Variants in MS4A2 observed in about 807,000 individuals in gnomAD.
MS4A2 encodes the protein high affinity immunoglobulin epsilon receptor subunit beta.
Under a neutral mutation model 27.9 loss-of-function variants are expected in MS4A2, and 26 were observed. The observed-to-expected ratio is 0.93, with a 90% CI of 0.68 to 1.29. MS4A2 has a LOEUF of 1.29. Ranked by LOEUF, MS4A2 falls within the 50% of genes most tolerant of loss-of-function variation. The pLI is 0.00. For missense variants in MS4A2, 284 were observed against 284.6 expected (o/e 1.00, Z 0.01); for synonymous variants, 110 against 98.8 (o/e 1.11, Z -0.67).
rs1483793334 is a variant in MS4A2 at position 60,097,384 on chromosome 11, A to G, written c.*1728A>G. The G allele has an allele frequency of 2.6e-5, 4 of 152,270 alleles. No homozygotes were observed. The highest frequency in any genetic ancestry group is 2.1e-4 in the South Asian group (1 of 4,834). The allele number at this position is 152,270 out of a possible 1,614,324, so 9.4% of individuals were successfully genotyped here. On this transcript the variant is annotated 3_prime_UTR_variant, in exon 7 of 7. Transcript: ENST00000278888. ...AAGCAACTCCACCTAAGGCATGAAT[A>G]TGCGGCAGAGAAAACAGCAATAGTG...
chr11:60,095,674 C>T lies in MS4A2; in HGVS notation c.*18C>T. ...ATTTATAAGAATCACGTGTCCAGAA[C>T]ACTCTGATTCACAGCCAAGGATCCA... On this transcript the variant is annotated 3_prime_UTR_variant, in exon 7 of 7. Coordinates refer to ENST00000278888, the MANE Select transcript of MS4A2 (RefSeq NM_000139.5). 1 of 1,519,136 alleles carries T rather than the reference C, an allele frequency of 6.6e-7. No homozygotes were observed. Among genetic ancestry groups the T allele is most frequent in the Non-Finnish European group, 9.1e-7 (1 of 1,093,828 alleles). 94.1% of individuals were successfully genotyped at this position (1,519,136 alleles called of 1,614,324 possible).
chr11:60,093,469 A>G lies in MS4A2; in HGVS notation c.448A>G (p.Ile150Val). 6.2e-7 allele frequency: 1 copy of G among 1,614,230 alleles called. No homozygotes were observed. Among genetic ancestry groups the G allele is most frequent in the Non-Finnish European group, 8.5e-7 (1 of 1,180,030 alleles). ...GGGAACGGGAATTACCATCCTGATC[A>G]TCAACCTGAAGAAGAGCTTGGCCTA... ...AGGTGITILIINLKKSLAYIH... is the reference protein window; with the variant it reads ...AGGTGITILIVNLKKSLAYIH... The change falls in exon 5 of 7, where the codon ATC becomes GTC. Residue 150 changes from isoleucine to valine, a missense_variant. By Grantham distance (29) the Ile-to-Val change is conservative (BLOSUM62 3). Transcript: ENST00000278888.
At chr11:60,088,901 A>G in intron 1 of MS4A2, 80 bp downstream of exon 1, 1 of 1,377,326 alleles carries the variant, frequency 7.3e-7, no homozygotes, top group African/African-American at 1.4e-5. Flanking sequence ...TTAGGAGATG[A>G]AACTTTATTG....
In MS4A2 at chr11:60,092,822, TCTGAA is replaced by T. The variant is rs1223166654; in HGVS notation, c.353_357del (p.Ser118Ter). ...TATTTCTGGAATGTTGTCAATTATA[TCTGAA>T]AGGAGAAATGCAACATATCTGGTGA... On this transcript the variant is annotated frameshift_variant, in exon 4 of 7. Coordinates refer to ENST00000278888, the MANE Select transcript of MS4A2 (RefSeq NM_000139.5). LOFTEE classifies it high-confidence loss of function. 6.2e-7 allele frequency: 1 copy of T among 1,613,910 alleles called. No individual in the cohort carries two copies. Among genetic ancestry groups the T allele is most frequent in the Non-Finnish European group, 8.5e-7 (1 of 1,179,948 alleles).
chr11:60,089,545 G>C (rs568412937), intron 1 of MS4A2, 147 bp from the exon 2 acceptor site: 2 of 1,081,040 alleles, frequency 1.9e-6, no homozygotes, highest in Admixed American at 1.8e-5. Context: ...GATGCTCTGA[G>C]CTTTAGTTTC....
intron 1 of MS4A2, 101 bp from the exon 2 acceptor site, chr11:60,089,591 G>A (rs535457124): frequency 6.7e-7 from 1 of 1,485,988 alleles, no homozygotes; most frequent in African/African-American, 1.4e-5. Flanking sequence ...TTACAGGATG[G>A]CTTTGAAAAA....
At chr11:60,092,665 C>T (rs1251856757) in intron 3 of MS4A2, 127 bp from the exon 4 acceptor site, 2 of 771,632 alleles carry the variant, frequency 2.6e-6, no homozygotes, top group East Asian at 5.3e-5. Flanking sequence ...ATTGGGCTCA[C>T]AGGTGACATT....
rs757034076 is a variant in MS4A2, at chr11:60,090,298, T to G, written c.187-38T>G. On this transcript the variant is annotated intron_variant, in intron 2 of 6. Coordinates refer to ENST00000278888, the MANE Select transcript of MS4A2 (RefSeq NM_000139.5). The stretch of plus-strand genomic sequence containing the variant: ...AAAAATGATACAATCTCGGGAAAAT[T>G]TTTTTGATTTTCATGAAATTCATGT... 3.1e-6 allele frequency: 5 copies of G among 1,605,938 alleles called. No individual in the cohort carries two copies. The South Asian group carries it at 3.3e-5, about 11-fold the overall frequency.
chr11:60,088,785 G>T lies in MS4A2; in HGVS notation c.20G>T (p.Arg7Met). Residue 7 changes from arginine (R) to methionine (M), a missense_variant, in exon 1 of 7, where the codon AGG (arginine) becomes ATG (methionine). Coordinates refer to ENST00000278888, the MANE Select transcript of MS4A2 (RefSeq NM_000139.5). Reference sequence around the variant, plus strand: ...GAAAAAATGGACACAGAAAGTAATAGGAGAGCAAATCTTGCTCTCCCACAG... The same window carrying T: ...GAAAAAATGGACACAGAAAGTAATATGAGAGCAAATCTTGCTCTCCCACAG... MDTESN[R>M]RANLALPQEP... 1 of 1,612,082 alleles carries T rather than the reference G, an allele frequency of 6.2e-7. No individual in the cohort carries two copies.
Position 60,088,814 on chromosome 11 carries a change from C to G in MS4A2, c.49C>G (p.Pro17Ala). The G allele has an allele frequency of 6.2e-7, 1 of 1,610,862 alleles. No individual in the cohort carries two copies. Among genetic ancestry groups the G allele is most frequent in the Non-Finnish European group, 8.5e-7 (1 of 1,178,128 alleles). Residue 17 changes from proline to alanine, a missense_variant, in exon 1 of 7, where the codon CCT (proline) becomes GCT (alanine). Physicochemically the swap from Pro to Ala is conservative, Grantham distance 27. Coordinates refer to ENST00000278888, the MANE Select transcript of MS4A2 (RefSeq NM_000139.5). ...AGCAAATCTTGCTCTCCCACAGGAGCCTTCCAGGTAGGTACAAGGTATTAT... is the reference window on the plus strand; with the variant it reads ...AGCAAATCTTGCTCTCCCACAGGAGGCTTCCAGGTAGGTACAAGGTATTAT... ...RRANLALPQE[P>A]SSVPAFEVLE...
Position 60,098,354 on chromosome 11 carries a change from A to T in MS4A2, c.*2698A>T, listed in dbSNP as rs1403082202. On this transcript the variant is annotated 3_prime_UTR_variant, in exon 7 of 7. Coordinates refer to ENST00000278888, the MANE Select transcript of MS4A2 (RefSeq NM_000139.5). ...TCCAGCCTTAATTTCTTGCTCCATA[A>T]CTACTCTATCCCACGATGCAGTATT... 6.6e-6 allele frequency: 1 copy of T among 152,134 alleles called. No individual in the cohort carries two copies. The highest frequency in any genetic ancestry group is 6.5e-5 in the Admixed American group (1 of 15,276). The allele number at this position is 152,134 out of a possible 1,614,324, so 9.4% of individuals were successfully genotyped here.
chr11:60,096,456 T>C lies in MS4A2; in HGVS notation c.*800T>C, dbSNP rs755946053. The C allele has an allele frequency of 6.6e-6, 1 of 152,170 alleles. No homozygotes were observed. The highest frequency in any genetic ancestry group is 1.5e-5 in the Non-Finnish European group (1 of 68,028). The allele number at this position is 152,170 out of a possible 1,614,324, so 9.4% of individuals were successfully genotyped here. On this transcript the variant is annotated 3_prime_UTR_variant, in exon 7 of 7. Transcript: ENST00000278888. ...TGGAAATGGAAATAATGGTTATATC[T>C]AAAACATGTAGAAAAAGAGTAACTG...
rs751308436 is a variant in MS4A2 at position 60,092,859 on chromosome 11, C to T, written c.378+11C>T. ...AATGCAACATATCTGGTGAGTTGCCCGTTTCTGTCTTTGTCCATCCTTGAA... is the reference window on the plus strand; with the variant it reads ...AATGCAACATATCTGGTGAGTTGCCTGTTTCTGTCTTTGTCCATCCTTGAA... On this transcript the variant is annotated intron_variant, in intron 4 of 6. Transcript: ENST00000278888. 37 of 1,611,240 alleles carry T rather than the reference C, an allele frequency of 2.3e-5. No homozygotes were observed. Among genetic ancestry groups the T allele is most frequent in the African/African-American group, 1.6e-4 (12 of 74,788 alleles).
Position 60,097,121 on chromosome 11 carries a change from T to A in MS4A2, c.*1465T>A, listed in dbSNP as rs991743346. The A allele has an allele frequency of 6.6e-6, 1 of 152,094 alleles. No individual in the cohort carries two copies. The highest frequency in any genetic ancestry group is 1.5e-5 in the Non-Finnish European group (1 of 68,018). The allele number at this position is 152,094 out of a possible 1,614,324, so 9.4% of individuals were successfully genotyped here. A position where few individuals can be genotyped will look rare whatever the true frequency, so the allele number is the denominator to read the frequency against. ...ATTATTAAATGAAGCAAGTTAACAC[T>A]CTAAGAGAATTATTTTGAGATAGAA... is the stretch of plus-strand genomic sequence containing the variant. On this transcript the variant is annotated 3_prime_UTR_variant, in exon 7 of 7. Transcript: ENST00000278888.
intron 6 of MS4A2, among the ~76,000 whole-genome samples, chr11:60,094,469 TCA>T (rs1451290326): frequency 1.3e-5 from 2 of 152,200 alleles, no homozygotes; most frequent in South Asian, 4.1e-4. Flanking sequence ...CTCTAAAACC[TCA>T]GTTTTCTTTC....
chr11:60,091,820 A>C (rs1855764815), intron 3 of MS4A2, among the ~76,000 whole-genome samples: 1 of 152,134 alleles, frequency 6.6e-6, no homozygotes, highest in African/African-American at 2.4e-5. Context: ...TTATAATTGA[A>C]ACTTGTCTCT....
intron 5 of MS4A2, 126 bp from the exon 6 acceptor site, chr11:60,093,832 GTGTGTA>G (rs1855817085): frequency 4.0e-5 from 29 of 725,836 alleles, no homozygotes; most frequent in Middle Eastern, 5.6e-4. Flanking sequence ...GTGTGTGTGT[GTGTGTA>G]TGTGTCACTT....
At chr11:60,090,619 T>A in intron 3 of MS4A2, 149 bp downstream of exon 3, 1 of 721,782 alleles carries the variant, frequency 1.4e-6, no homozygotes, top group Non-Finnish European at 2.2e-6. Context: ...AACATAGATA[T>A]GCTCATTAAC....
chr11:60,094,076 C>T lies in MS4A2; in HGVS notation c.636+14C>T, dbSNP rs373057549. The T allele has an allele frequency of 1.0e-5, 16 of 1,565,958 alleles. No homozygotes were observed. In the Admixed American group the frequency reaches 1.2e-4, roughly 11 times the overall value. On this transcript the variant is annotated intron_variant, in intron 6 of 6. Transcript: ENST00000278888. ...AAAGGAAACAAGGTAGATAGAAGCCCGATATAAAATCTTGAATGACAGGTT... is the reference window on the plus strand; with the variant it reads ...AAAGGAAACAAGGTAGATAGAAGCCTGATATAAAATCTTGAATGACAGGTT...
Sources: allele counts gnomAD v4.1 joint callset (sites outside exome capture counted in the v4.1 genomes callset), GRCh38; gene constraint gnomAD v4.1.1; transcripts MANE v1.5; gene names NCBI Gene and HGNC (gene_info 2026-07-23, HGNC 2026-07-21).